Variants in TAFA5 observed in about 807,000 individuals in gnomAD.
TAFA5 encodes TAFA chemokine like family member 5.
TAFA5 carries 6 observed loss-of-function variants against 15.3 expected under a neutral mutation model. The observed-to-expected ratio is 0.39, with a 90% CI of 0.21 to 0.77. The LOEUF (loss-of-function observed/expected upper bound fraction) is 0.77, where lower values mean the gene tolerates loss of function less well. TAFA5 is among the 30% of genes least tolerant of loss of function. The probability of loss-of-function intolerance (pLI) is 0.41; values close to 1 mark genes in which losing one functional copy is unlikely to be tolerated. For synonymous variants in TAFA5, 103 were observed against 80.7 expected (o/e 1.28, Z -1.48); for missense variants, 161 against 193.1 (o/e 0.83, Z 0.98).
chr22:48,683,200 C>T (rs1286302738), intron 2 of TAFA5, among the ~76,000 whole-genome samples: 1 of 152,196 alleles, frequency 6.6e-6, no homozygotes, highest in East Asian at 1.9e-4. Flanking sequence ...CACACACACA[C>T]TCGGGGCACA....
intron 1 of TAFA5, among the ~76,000 whole-genome samples, chr22:48,631,934 A>G (rs1371576982): frequency 6.6e-6 from 1 of 152,160 alleles, no homozygotes; most frequent in Non-Finnish European, 1.5e-5. Flanking sequence ...AAATGCAGAC[A>G]TGCGTGCCCA....
At chr22:48,712,855 T>C (rs1385908287) in intron 3 of TAFA5, among the ~76,000 whole-genome samples, 1 of 152,164 alleles carries the variant, frequency 6.6e-6, no homozygotes, top group African/African-American at 2.4e-5. Context: ...CTCTCAGAGC[T>C]GGAGGAGGAG....
At chr22:48,576,753 G>A (rs1280360192) in intron 1 of TAFA5, among the ~76,000 whole-genome samples, 1 of 151,468 alleles carries the variant, frequency 6.6e-6, no homozygotes, top group African/African-American at 2.4e-5. Flanking sequence ...ACCCCCCGCG[G>A]ATCTCGCTGC....
At chr22:48,602,387 A>C (rs1925006524) in intron 1 of TAFA5, among the ~76,000 whole-genome samples, 1 of 152,176 alleles carries the variant, frequency 6.6e-6, no homozygotes, top group Non-Finnish European at 1.5e-5. Context: ...GCTTTCTCCA[A>C]GTCACTGAGG....
chr22:48,724,525 C>G (rs910524548), intron 3 of TAFA5, among the ~76,000 whole-genome samples: 1 of 152,236 alleles, frequency 6.6e-6, no homozygotes, highest in Admixed American at 6.5e-5. Flanking sequence ...CACACTCACT[C>G]CTTGCACAGC....
chr22:48,607,327 C>G (rs1925229625), intron 1 of TAFA5, among the ~76,000 whole-genome samples: 1 of 137,476 alleles, frequency 7.3e-6, no homozygotes, highest in African/African-American at 2.9e-5. Flanking sequence ...CCACCCATCC[C>G]AGGTACCTCA....
At chr22:48,618,039 C>T (rs1219429030) in intron 1 of TAFA5, among the ~76,000 whole-genome samples, 2 of 152,184 alleles carry the variant, frequency 1.3e-5, no homozygotes, top group African/African-American at 2.4e-5. Flanking sequence ...GGATTTGAAC[C>T]CAGTAAGTGT....
chr22:48,593,239 C>G (rs755774134), intron 1 of TAFA5, among the ~76,000 whole-genome samples: 2 of 152,142 alleles, frequency 1.3e-5, no homozygotes, highest in Non-Finnish European at 2.9e-5. Flanking sequence ...GTGTATAAAG[C>G]GGAGCATTGG....
In TAFA5 at chr22:48,490,425, C is replaced by A. The variant is rs1376399596; in HGVS notation, c.112+721C>A. ...AGCTGAGGGCTGGGGTAGGGGGTGA[C>A]CGCCGCGGGCTCCCTGTTGCCTGGA... On this transcript the variant is annotated intron_variant, in intron 1 of 3. Transcript: ENST00000402357. The surrounding 1 kb of genome is among the most constrained non-coding windows in gnomAD (Gnocchi z 5.8). 2.6e-5 allele frequency among the ~76,000 whole-genome samples: 4 copies of A among 151,328 alleles called. No individual in the cohort carries two copies. The highest frequency in any genetic ancestry group is 5.9e-5 in the Non-Finnish European group (4 of 67,774).
At chr22:48,629,138 C>A (rs1379686726) in intron 1 of TAFA5, among the ~76,000 whole-genome samples, 1 of 152,092 alleles carries the variant, frequency 6.6e-6, no homozygotes, top group African/African-American at 2.4e-5. Context: ...CGGCTCCCCT[C>A]GAGGTGGACT....
chr22:48,541,315 C>A (rs1323417260), intron 1 of TAFA5, among the ~76,000 whole-genome samples: 1 of 152,166 alleles, frequency 6.6e-6, no homozygotes, highest in Non-Finnish European at 1.5e-5. Flanking sequence ...GGAGCCTGTC[C>A]CTGCTGGGGT....
chr22:48,644,574 G>C (rs2147200814), intron 1 of TAFA5, among the ~76,000 whole-genome samples: 1 of 152,346 alleles, frequency 6.6e-6, no homozygotes. Flanking sequence ...GTTGGGATGA[G>C]AGAGCTGGGC....
intron 2 of TAFA5, among the ~76,000 whole-genome samples, chr22:48,662,152 G>C (rs1333875771): frequency 6.6e-6 from 1 of 152,112 alleles, no homozygotes; most frequent in East Asian, 1.9e-4. Context: ...GCTGGGGCTC[G>C]GCCTGGGTGG....
intron 1 of TAFA5, among the ~76,000 whole-genome samples, chr22:48,578,372 T>G (rs1221256786): frequency 6.6e-6 from 1 of 152,202 alleles, no homozygotes; most frequent in Non-Finnish European, 1.5e-5. Flanking sequence ...GGGGCTCTGC[T>G]GTCCCCCTGA....
At position 48,506,556 on chromosome 22, in the gene TAFA5, G is replaced by T. The variant is rs964161914; in HGVS notation, c.112+16852G>T. Among the ~76,000 whole-genome samples the T allele has an allele frequency of 7.2e-5, 11 of 152,304 alleles. No homozygotes were observed. The East Asian group carries it at 1.9e-3, about 27-fold the overall frequency. ...CGGGGCCTTTGGAGGATAGGAGCTGGCTTCGTGTGTCTGTGCCACCGTTCC... is the reference window on the plus strand; with the variant it reads ...CGGGGCCTTTGGAGGATAGGAGCTGTCTTCGTGTGTCTGTGCCACCGTTCC... On this transcript the variant is annotated intron_variant, in intron 1 of 3. Coordinates refer to ENST00000402357, the MANE Select transcript of TAFA5 (RefSeq NM_001082967.3).
At chr22:48,714,758 G>A (rs1470426996) in intron 3 of TAFA5, among the ~76,000 whole-genome samples, 1 of 152,212 alleles carries the variant, frequency 6.6e-6, no homozygotes, top group Admixed American at 6.5e-5. Flanking sequence ...ACCACGTTCT[G>A]AGTGGCTGAA....
chr22:48,567,828 A>G (rs187124941), intron 1 of TAFA5, among the ~76,000 whole-genome samples: 318 of 152,296 alleles, frequency 2.1e-3, no homozygotes, highest in African/African-American at 7.5e-3. Context: ...ATGAGGTCTC[A>G]CAGGATGATG....
rs554399395 is a variant in TAFA5, at chr22:48,727,921, A to G, written c.390+20077A>G. The stretch of plus-strand genomic sequence containing the variant: ...TATGCACTGATTAGCATACATAAGA[A>G]TAGATTATGTAAACACAATTACAAA... On this transcript the variant is annotated intron_variant, in intron 3 of 3. Coordinates refer to ENST00000402357, the MANE Select transcript of TAFA5 (RefSeq NM_001082967.3). Among the ~76,000 whole-genome samples, 15 of 152,358 alleles carry G rather than the reference A, an allele frequency of 9.8e-5. No individual in the cohort carries two copies. In the East Asian group the frequency reaches 2.5e-3, roughly 25 times the overall value.
chr22:48,646,325 T>C (rs933211632), intron 1 of TAFA5, among the ~76,000 whole-genome samples: 5 of 152,182 alleles, frequency 3.3e-5, no homozygotes, highest in African/African-American at 2.4e-5. Flanking sequence ...TGGGGCTGTG[T>C]TTAATTTCCT....
Sources: gnomAD v4.1 joint callset for allele counts (sites outside exome capture counted in the v4.1 genomes callset) on GRCh38, gnomAD v4.1.1 for gene constraint, Gnocchi (gnomAD v3.1) non-coding constraint, MANE v1.5 for transcripts, NCBI Gene and HGNC (gene_info 2026-07-23, HGNC 2026-07-21) for gene names.